FAF1: variants seen among roughly 807,000 people sequenced by gnomAD.
The protein encoded by FAF1 is Fas associated factor 1.
Under a neutral mutation model 92.5 loss-of-function variants are expected in FAF1, and 25 were observed. The ratio of observed to expected loss-of-function variants is 0.27; its 90% confidence interval spans 0.20 to 0.38. The LOEUF (loss-of-function observed/expected upper bound fraction) is 0.38, where lower values mean the gene tolerates loss of function less well. FAF1 is among the 10% of genes least tolerant of loss of function. FAF1 has a pLI of 1.00. For synonymous variants in FAF1, 234 were observed against 273.2 expected, an observed-to-expected ratio of 0.86 and a Z score of 1.42; for missense variants, 636 against 793.3, an observed-to-expected ratio of 0.80 and a Z score of 2.38.
At chr1:50,697,900 G>C (rs1462809937) in intron 7 of FAF1, among the ~76,000 whole-genome samples, 2 of 152,010 alleles carry the variant, frequency 1.3e-5, no homozygotes, top group Admixed American at 6.6e-5. Context: ...ATCACAAAAA[G>C]TATGTTTGAA....
At chr1:50,799,613 G>C (rs527590030) in intron 3 of FAF1, among the ~76,000 whole-genome samples, 113 of 151,962 alleles carry the variant, frequency 7.4e-4, no homozygotes, top group African/African-American at 2.7e-3. Flanking sequence ...CAGTGAGGTG[G>C]GTATTTATTT....
intron 15 of FAF1, among the ~76,000 whole-genome samples, chr1:50,526,973 G>C (rs2149032964): frequency 6.6e-6 from 1 of 151,942 alleles, no homozygotes; most frequent in South Asian, 2.1e-4. Flanking sequence ...TCCTGCCTCA[G>C]CCTCCTAAGT....
At chr1:50,739,075 T>C in intron 5 of FAF1, 121 bp from the exon 6 acceptor site, 1 of 623,242 alleles carries the variant, frequency 1.6e-6, no homozygotes. Context: ...GATAATTTCC[T>C]AAATAGGGTA....
At chr1:50,602,503 C>CTTTT (rs1424715054) in intron 8 of FAF1, among the ~76,000 whole-genome samples, 1 of 136,698 alleles carries the variant, frequency 7.3e-6, no homozygotes, top group African/African-American at 2.7e-5. Context: ...TAAAGTATTG[C>CTTTT]TTTTTTTTTT....
In FAF1 at chr1:50,644,455, CA is replaced by C. The variant is rs76425467; in HGVS notation, c.744+10986del. ...TCTGGATTTTCACCCTATGCATGCA[CA>C]GAGACTGGTATTCAGCTAAAGACTT... is the stretch of plus-strand genomic sequence containing the variant. On this transcript the variant is annotated intron_variant, in intron 8 of 18. Coordinates refer to ENST00000396153, the MANE Select transcript of FAF1 (RefSeq NM_007051.3). Among the ~76,000 whole-genome samples, 107 of 152,348 alleles carry C rather than the reference CA, an allele frequency of 7.0e-4. 5 individuals carry two copies. The East Asian group carries it at 0.02, about 28-fold the overall frequency.
chr1:50,958,470 G>T (rs925342844), intron 1 of FAF1, among the ~76,000 whole-genome samples: 7 of 152,220 alleles, frequency 4.6e-5, no homozygotes, highest in African/African-American at 1.7e-4. Flanking sequence ...GAGGTCAGGA[G>T]ATCAAGACCA....
At chr1:50,501,666 A>AG (rs1245626316) in intron 15 of FAF1, among the ~76,000 whole-genome samples, 4 of 151,976 alleles carry the variant, frequency 2.6e-5, no homozygotes, top group Admixed American at 2.0e-4. Flanking sequence ...GTCTCAAAAA[A>AG]AAAAAAAAAG....
chr1:50,746,870 C>G (rs934234447), intron 4 of FAF1, among the ~76,000 whole-genome samples: 4 of 152,200 alleles, frequency 2.6e-5, no homozygotes, highest in African/African-American at 9.6e-5. Flanking sequence ...CCACCCTGCA[C>G]AGACGCAGGA....
At chr1:50,741,815 T>C (rs563833697) in intron 5 of FAF1, among the ~76,000 whole-genome samples, 11 of 152,260 alleles carry the variant, frequency 7.2e-5, no homozygotes, top group African/African-American at 1.9e-4. Context: ...GGTAGAGATA[T>C]GGGATAGGAG....
intron 1 of FAF1, among the ~76,000 whole-genome samples, chr1:50,906,811 C>T (rs898990797): frequency 1.3e-5 from 2 of 152,196 alleles, no homozygotes; most frequent in Non-Finnish European, 2.9e-5. Context: ...AATACACAAT[C>T]ATGTCATCTG....
At chr1:50,832,023 T>C (rs962774546) in intron 2 of FAF1, among the ~76,000 whole-genome samples, 5 of 152,004 alleles carry the variant, frequency 3.3e-5, no homozygotes, top group African/African-American at 1.2e-4. Flanking sequence ...CCTGATGATC[T>C]GTCACTGTCT....
rs968255601 is a variant in FAF1, at chr1:50,439,088, G to A, written c.*2352C>T. On this transcript the variant is annotated 3_prime_UTR_variant, in exon 19 of 19. Transcript: ENST00000396153. Reference sequence around the variant, plus strand: ...TGACAAAGAGTCCTGGAGCTTCACTGTCAACAGTTGGGCATAAGAATGCCA... The same window carrying A: ...TGACAAAGAGTCCTGGAGCTTCACTATCAACAGTTGGGCATAAGAATGCCA... 2.0e-5 allele frequency: 3 copies of A among 152,240 alleles called. No homozygotes were observed. Among genetic ancestry groups the A allele is most frequent in the Admixed American group, 6.5e-5 (1 of 15,282 alleles). 9.4% of individuals were successfully genotyped at this position (152,240 alleles called of 1,614,324 possible).
At chr1:50,865,192 G>A (rs1644469919) in intron 1 of FAF1, among the ~76,000 whole-genome samples, 1 of 152,086 alleles carries the variant, frequency 6.6e-6, no homozygotes, top group Non-Finnish European at 1.5e-5. Flanking sequence ...GAAACGACAG[G>A]TGCTGGAGAG....
chr1:50,914,918 T>C (rs1404227091), intron 1 of FAF1, among the ~76,000 whole-genome samples: 3 of 152,240 alleles, frequency 2.0e-5, no homozygotes, highest in Non-Finnish European at 4.4e-5. Flanking sequence ...CTCTCTATCC[T>C]TGGATTTCTG....
At chr1:50,867,422 T>C (rs61525573) in intron 1 of FAF1, among the ~76,000 whole-genome samples, 3,066 of 152,224 alleles carry the variant, frequency 0.02, 101 homozygotes, top group African/African-American at 0.071. Context: ...GAGAAAATCT[T>C]GGTAAATTAT....
intron 4 of FAF1, among the ~76,000 whole-genome samples, chr1:50,786,357 G>A (rs945905334): frequency 6.6e-6 from 1 of 152,148 alleles, no homozygotes; most frequent in African/African-American, 2.4e-5. Context: ...AGCCATCACA[G>A]CGGGCAAATA....
intron 7 of FAF1, among the ~76,000 whole-genome samples, chr1:50,667,380 A>G (rs1282723408): frequency 6.6e-6 from 1 of 152,146 alleles, no homozygotes; most frequent in Non-Finnish European, 1.5e-5. Context: ...ACAGTAAATC[A>G]ATTATGCCCT....
chr1:50,458,796 T>C (rs947494232), intron 18 of FAF1, among the ~76,000 whole-genome samples: 1 of 152,214 alleles, frequency 6.6e-6, no homozygotes, highest in Non-Finnish European at 1.5e-5. Context: ...TAACACTTCA[T>C]TTCATTTTTA....
chr1:50,452,013 T>C (rs1646299110), intron 18 of FAF1: 1 of 1,255,328 alleles, frequency 8.0e-7, no homozygotes, highest in South Asian at 1.5e-5. Context: ...TACTATTAAA[T>C]GACAATATAA....
Sources: gnomAD v4.1 joint callset for allele counts (sites outside exome capture counted in the v4.1 genomes callset) on GRCh38, gnomAD v4.1.1 for gene constraint, MANE v1.5 for transcripts, NCBI Gene and HGNC (gene_info 2026-07-23, HGNC 2026-07-21) for gene names.